Variants in GALNTL6 observed in about 807,000 individuals in gnomAD.
The protein encoded by GALNTL6 is polypeptide N-acetylgalactosaminyltransferase like 6.
In GALNTL6, 46 loss-of-function variants were observed where a neutral mutation model predicts 73.7. The observed-to-expected ratio is 0.62, with a 90% CI of 0.49 to 0.80. The LOEUF (loss-of-function observed/expected upper bound fraction) is 0.80, where lower values mean the gene tolerates loss of function less well. Ranked by LOEUF, GALNTL6 falls within the 30% of genes least tolerant of loss-of-function variation. GALNTL6 has a pLI of 0.00. For synonymous variants in GALNTL6, 259 were observed against 263.7 expected (o/e 0.98, Z 0.17); for missense variants, 604 against 755.0 (o/e 0.80, Z 2.34).
chr4:172,149,813 TC>T, intron 2 of GALNTL6, among the ~76,000 whole-genome samples: 1 of 152,284 alleles, frequency 6.6e-6, no homozygotes, highest in Admixed American at 6.5e-5. Flanking sequence ...AATACCACTG[TC>T]CATACCCTTC....
chr4:172,734,705 C>A (rs1736353068), intron 5 of GALNTL6, among the ~76,000 whole-genome samples: 1 of 152,070 alleles, frequency 6.6e-6, no homozygotes, highest in African/African-American at 2.4e-5. Flanking sequence ...GTGCATGGTG[C>A]AAGCTGTCAA....
At chr4:172,864,777 T>C (rs1744577420) in intron 7 of GALNTL6, among the ~76,000 whole-genome samples, 1 of 152,230 alleles carries the variant, frequency 6.6e-6, no homozygotes, top group Non-Finnish European at 1.5e-5. Context: ...AGAATATTTG[T>C]TTCCTCTTTT....
chr4:172,289,203 G>A (rs1437442029), intron 3 of GALNTL6, among the ~76,000 whole-genome samples: 1 of 152,230 alleles, frequency 6.6e-6, no homozygotes, highest in African/African-American at 2.4e-5. Context: ...AAGAAGTAAA[G>A]TTTGTTACTG....
intron 5 of GALNTL6, among the ~76,000 whole-genome samples, chr4:172,425,547 C>T (rs889289619): frequency 6.6e-5 from 10 of 151,960 alleles, no homozygotes; most frequent in Non-Finnish European, 1.5e-4. Context: ...CTTTGAGATA[C>T]TCCAAATTTT....
intron 5 of GALNTL6, among the ~76,000 whole-genome samples, chr4:172,451,263 A>G (rs1021541473): frequency 6.6e-6 from 1 of 152,220 alleles, no homozygotes; most frequent in African/African-American, 2.4e-5. Context: ...ATAATAGGCA[A>G]ATTTACTAAT....
intron 2 of GALNTL6, among the ~76,000 whole-genome samples, chr4:171,823,763 T>C (rs951254621): frequency 4.6e-5 from 7 of 151,492 alleles, no homozygotes; most frequent in Non-Finnish European, 7.4e-5. Flanking sequence ...CCTGTCAACA[T>C]AAATGCTGAT....
At chr4:172,021,829 T>G (rs1741410305) in intron 2 of GALNTL6, among the ~76,000 whole-genome samples, 1 of 151,946 alleles carries the variant, frequency 6.6e-6, no homozygotes. Context: ...GGCCAAAAAC[T>G]TTGAGGAAAA....
chr4:172,055,247 G>A (rs1730987754), intron 2 of GALNTL6, among the ~76,000 whole-genome samples: 1 of 152,132 alleles, frequency 6.6e-6, no homozygotes, highest in African/African-American at 2.4e-5. Context: ...GCTTTCAGAT[G>A]TAGGCAGAAA....
At chr4:172,613,615 A>G (rs1738613018) in intron 5 of GALNTL6, among the ~76,000 whole-genome samples, 1 of 152,182 alleles carries the variant, frequency 6.6e-6, no homozygotes, top group Admixed American at 6.6e-5. Flanking sequence ...ACCTATGATT[A>G]ATATTTCAGC....
chr4:172,313,718 C>G (rs187772732), intron 4 of GALNTL6, among the ~76,000 whole-genome samples: 12 of 152,110 alleles, frequency 7.9e-5, no homozygotes, highest in East Asian at 3.9e-4. Flanking sequence ...AAAATATAAT[C>G]TGGGATAATA....
chr4:172,437,871 C>T (rs925593388), intron 5 of GALNTL6, among the ~76,000 whole-genome samples: 1 of 152,082 alleles, frequency 6.6e-6, no homozygotes, highest in Non-Finnish European at 1.5e-5. Flanking sequence ...TGTTTTCCAT[C>T]TGCTGGTTTC....
intron 5 of GALNTL6, among the ~76,000 whole-genome samples, chr4:172,611,766 A>G (rs1738534116): frequency 6.6e-6 from 1 of 151,978 alleles, no homozygotes; most frequent in South Asian, 2.1e-4. Flanking sequence ...CTCTTATCTC[A>G]TGAAGGCGTT....
chr4:172,973,355 G>A (rs940648281), intron 10 of GALNTL6, among the ~76,000 whole-genome samples: 1 of 152,086 alleles, frequency 6.6e-6, no homozygotes, highest in South Asian at 2.1e-4. Context: ...AAAACCAAAA[G>A]AACAGCTAAC....
In GALNTL6 at chr4:172,809,912, TACACACACACACACACACACACACAC is replaced by T. The variant is rs5864170; in HGVS notation, c.739+380_739+405del. On this transcript the variant is annotated intron_variant, in intron 6 of 12. Coordinates refer to ENST00000506823, the MANE Select transcript of GALNTL6 (RefSeq NM_001034845.3). The surrounding 1 kb of genome is among the most constrained non-coding windows in gnomAD (Gnocchi z 4.4). ...TCCTGTAGCTACAGCAAGATTAAAA[TACACACACACACACACACACACACAC>T]ACACACACACACATTGAACAAGTAT... 7.1e-6 allele frequency among the ~76,000 whole-genome samples: 1 copy of T among 141,146 alleles called. No individual in the cohort carries two copies. Among genetic ancestry groups the T allele is most frequent in the African/African-American group, 2.6e-5 (1 of 38,348 alleles). The allele number at this position is 141,146 out of a possible 152,430, so 92.6% of individuals were successfully genotyped here.
At chr4:171,974,797 A>G (rs1739671744) in intron 2 of GALNTL6, among the ~76,000 whole-genome samples, 1 of 152,222 alleles carries the variant, frequency 6.6e-6, no homozygotes, top group African/African-American at 2.4e-5. Flanking sequence ...ATGAAAGAAT[A>G]AAAATTACGT....
At chr4:172,546,825 T>TATACGTATATATATAC (rs1491314696) in intron 5 of GALNTL6, among the ~76,000 whole-genome samples, 1 of 146,546 alleles carries the variant, frequency 6.8e-6, no homozygotes, top group South Asian at 2.1e-4. Flanking sequence ...TATACGTATA[T>TATACGTATATATATAC]GTATAATTGT....
At chr4:172,073,056 A>T (rs1410083492) in intron 2 of GALNTL6, among the ~76,000 whole-genome samples, 1 of 152,082 alleles carries the variant, frequency 6.6e-6, no homozygotes, top group Non-Finnish European at 1.5e-5. Context: ...ACATTAGACT[A>T]ATGATTTCTG....
At chr4:172,127,843 C>G (rs1733346293) in intron 2 of GALNTL6, among the ~76,000 whole-genome samples, 1 of 152,076 alleles carries the variant, frequency 6.6e-6, no homozygotes, top group Non-Finnish European at 1.5e-5. Flanking sequence ...TGGCTCAAGC[C>G]TGAAATCCCA....
intron 2 of GALNTL6, among the ~76,000 whole-genome samples, chr4:171,872,403 AT>A (rs1736162458): frequency 6.6e-6 from 1 of 152,226 alleles, no homozygotes; most frequent in Admixed American, 6.5e-5. Context: ...AAGAAAAGTA[AT>A]ATTTGAGGTA....
Sources: gnomAD v4.1 joint callset for allele counts (sites outside exome capture counted in the v4.1 genomes callset) on GRCh38, gnomAD v4.1.1 for gene constraint, Gnocchi (gnomAD v3.1) non-coding constraint, MANE v1.5 for transcripts, NCBI Gene and HGNC (gene_info 2026-07-23, HGNC 2026-07-21) for gene names.